PRDM6: variants seen among roughly 807,000 people sequenced by gnomAD.
The protein encoded by PRDM6 is PR/SET domain 6, also known as putative histone-lysine N-methyltransferase PRDM6.
PRDM6 carries 25 observed loss-of-function variants against 60.8 expected under a neutral mutation model. The ratio of observed to expected loss-of-function variants is 0.41; its 90% CI spans 0.30 to 0.57. PRDM6 has a LOEUF of 0.57. Among genes scored for constraint, PRDM6 ranks in the 20% least tolerant of loss-of-function variants. The pLI is 0.27. For synonymous variants in PRDM6, 407 were observed against 357.4 expected (o/e 1.14, Z -1.57); for missense variants, 839 against 821.3 (o/e 1.02, Z -0.26).
At chr5:123,112,079 A>G (rs632678) in intron 3 of PRDM6, among the ~76,000 whole-genome samples, 72,673 of 152,066 alleles carry the variant, frequency 0.48, 17,500 homozygotes, top group South Asian at 0.58. Context: ...GGCTAAGCAT[A>G]AGGAGGCAGC....
intron 3 of PRDM6, among the ~76,000 whole-genome samples, chr5:123,136,522 A>G (rs942660621): frequency 6.6e-6 from 1 of 152,220 alleles, no homozygotes; most frequent in Admixed American, 6.5e-5. Flanking sequence ...TTAGAAACTA[A>G]GTAGCCAGTA....
intron 3 of PRDM6, among the ~76,000 whole-genome samples, chr5:123,154,960 C>T (rs1488807402): frequency 6.6e-6 from 1 of 152,150 alleles, no homozygotes; most frequent in African/African-American, 2.4e-5. Context: ...CCTCATCTCC[C>T]ACTCCTCTAG....
At chr5:123,186,366 T>A (rs1292668359) in intron 7 of PRDM6, among the ~76,000 whole-genome samples, 1 of 152,228 alleles carries the variant, frequency 6.6e-6, no homozygotes, top group African/African-American at 2.4e-5. Context: ...AGTCTTTTTT[T>A]GTTGTTGTTT....
At chr5:123,107,246 G>T (rs1764216366) in intron 3 of PRDM6, among the ~76,000 whole-genome samples, 1 of 152,152 alleles carries the variant, frequency 6.6e-6, no homozygotes, top group Admixed American at 6.5e-5. Flanking sequence ...ATATTTGTTT[G>T]ATTGCAGATC....
chr5:123,143,052 A>C (rs1255578277), intron 3 of PRDM6, among the ~76,000 whole-genome samples: 2 of 151,976 alleles, frequency 1.3e-5, no homozygotes, highest in Non-Finnish European at 2.9e-5. Flanking sequence ...TAAACATCCC[A>C]AGGACTCTAA....
In PRDM6 at chr5:123,090,566, G is replaced by A; in HGVS notation, c.552G>A (p.Glu184=). The A allele has an allele frequency of 6.6e-7, 1 of 1,526,032 alleles. No homozygotes were observed. The highest frequency in any genetic ancestry group is 8.7e-7 in the Non-Finnish European group (1 of 1,143,796). The allele number at this position is 1,526,032 out of a possible 1,614,324, so 94.5% of individuals were successfully genotyped here. A position where few individuals can be genotyped will look rare whatever the true frequency, so the allele number is the denominator to read the frequency against. ...ACCTGTATGGCCAGCAGCGCATGGAGATCATCCCGCTCAACCAGCACACCA... is the reference window on the plus strand; with the variant it reads ...ACCTGTATGGCCAGCAGCGCATGGAAATCATCCCGCTCAACCAGCACACCA... ...DYYLYGQQRM[E]IIPLNQHTSD... The change falls in exon 2 of 8, where the codon GAG becomes GAA. Residue 184 remains glutamate (E), a synonymous_variant. Coordinates refer to ENST00000407847, the MANE Select transcript of PRDM6 (RefSeq NM_001136239.4).
chr5:123,156,338 G>A (rs1277646941), intron 4 of PRDM6, among the ~76,000 whole-genome samples: 1 of 152,152 alleles, frequency 6.6e-6, no homozygotes, highest in Non-Finnish European at 1.5e-5. Flanking sequence ...CCAAGCAGTC[G>A]TCTTCACACA....
intron 3 of PRDM6, among the ~76,000 whole-genome samples, chr5:123,108,872 C>T (rs1764250059): frequency 6.6e-6 from 1 of 152,004 alleles, no homozygotes; most frequent in Admixed American, 6.5e-5. Flanking sequence ...CTCTTTGATA[C>T]TGCAAAACAT....
chr5:123,122,264 G>C (rs1764598957), intron 3 of PRDM6, among the ~76,000 whole-genome samples: 1 of 149,780 alleles, frequency 6.7e-6, no homozygotes, highest in African/African-American at 2.4e-5. Context: ...TTTTATAAAT[G>C]TTCTAGTGGG....
chr5:123,118,648 G>C (rs1251174172), intron 3 of PRDM6, among the ~76,000 whole-genome samples: 1 of 152,190 alleles, frequency 6.6e-6, no homozygotes, highest in African/African-American at 2.4e-5. Flanking sequence ...TGAGCTGTCA[G>C]TCAGGGTGCA....
In PRDM6 at chr5:123,188,034, C is replaced by A. The variant is rs1478589343; in HGVS notation, c.*833C>A. The A allele has an allele frequency of 2.0e-5, 3 of 151,166 alleles. No homozygotes were observed. The allele number at this position is 151,166 out of a possible 1,614,324, so 9.4% of individuals were successfully genotyped here. On this transcript the variant is annotated 3_prime_UTR_variant, in exon 8 of 8. Coordinates refer to ENST00000407847, the MANE Select transcript of PRDM6 (RefSeq NM_001136239.4). The stretch of plus-strand genomic sequence containing the variant: ...AAAAAAAGAAAATGAAAATAAAGTT[C>A]TTTGGTTTAAGGCTGGAGATAAGGT...
At chr5:123,145,848 A>G (rs1230569961) in intron 3 of PRDM6, among the ~76,000 whole-genome samples, 1 of 152,236 alleles carries the variant, frequency 6.6e-6, no homozygotes, top group Non-Finnish European at 1.5e-5. Context: ...GGAAAACATA[A>G]TAATTTAAAG....
At position 123,099,822 on chromosome 5, in the gene PRDM6, C is replaced by G; in HGVS notation, c.761C>G (p.Thr254Ser). ...CGCGAGGTGTGCCTCTGCACCAGTACTGTGCCCGGCCTGGCCTACGGCATC... is the reference window on the plus strand; with the variant it reads ...CGCGAGGTGTGCCTCTGCACCAGTAGTGTGCCCGGCCTGGCCTACGGCATC... ...LPREVCLCTS[T>S]VPGLAYGICA... Residue 254 changes from threonine to serine, a missense_variant, in exon 3 of 8, where the codon ACT (threonine) becomes AGT (serine). By Grantham distance (58) the Thr-to-Ser change is moderately conservative. Coordinates refer to ENST00000407847, the MANE Select transcript of PRDM6 (RefSeq NM_001136239.4). The surrounding 1 kb of genome is among the most constrained non-coding windows in gnomAD (Gnocchi z 4.0). 1 of 1,550,462 alleles carries G rather than the reference C, an allele frequency of 6.4e-7. No homozygotes were observed. The highest frequency in any genetic ancestry group is 8.7e-7 in the Non-Finnish European group (1 of 1,146,840).
Position 123,091,369 on chromosome 5 carries a change from A to C in PRDM6, c.592+763A>C, listed in dbSNP as rs148218710. Reference sequence around the variant, plus strand: ...ATTCATAACCCATGTTGGTTTATGTATTTATTTTTAGAAATTAGGGTGACT... The same window carrying C: ...ATTCATAACCCATGTTGGTTTATGTCTTTATTTTTAGAAATTAGGGTGACT... On this transcript the variant is annotated intron_variant, in intron 2 of 7. Coordinates refer to ENST00000407847, the MANE Select transcript of PRDM6 (RefSeq NM_001136239.4). 3.2e-4 allele frequency among the ~76,000 whole-genome samples: 48 copies of C among 152,278 alleles called. 1 individual carries two copies. Among genetic ancestry groups the C allele is most frequent in the African/African-American group, 1.2e-3 (48 of 41,558 alleles).
At chr5:123,101,042 G>A (rs1006505187) in intron 3 of PRDM6, among the ~76,000 whole-genome samples, 10 of 152,162 alleles carry the variant, frequency 6.6e-5, no homozygotes, top group Admixed American at 1.3e-4. Flanking sequence ...TTAATGCATC[G>A]TTTCTGCAAG....
At chr5:123,154,980 C>G (rs1220133985) in intron 3 of PRDM6, among the ~76,000 whole-genome samples, 1 of 152,180 alleles carries the variant, frequency 6.6e-6, no homozygotes, top group Non-Finnish European at 1.5e-5. Context: ...GATACCATGT[C>G]TCCCTAAGTG....
At chr5:123,185,410 A>G (rs1415069263) in intron 7 of PRDM6, among the ~76,000 whole-genome samples, 3 of 152,172 alleles carry the variant, frequency 2.0e-5, no homozygotes, top group African/African-American at 7.2e-5. Context: ...TTTCTAATAA[A>G]CAATCAGCAG....
At chr5:123,096,013 A>T (rs1763949999) in intron 2 of PRDM6, among the ~76,000 whole-genome samples, 1 of 142,062 alleles carries the variant, frequency 7.0e-6, no homozygotes, top group Admixed American at 7.2e-5. Context: ...GTCTGCTCTT[A>T]ACTGCACTTG....
chr5:123,090,115 C>A lies in PRDM6; in HGVS notation c.101C>A (p.Pro34Gln), dbSNP rs998691055. 9 of 1,541,770 alleles carry A rather than the reference C, an allele frequency of 5.8e-6. No individual in the cohort carries two copies. In the Admixed American group the frequency reaches 1.6e-4, roughly 27 times the overall value. The stretch of plus-strand genomic sequence containing the variant: ...CTCTTCCCTCACGGAGGCGCAGGCC[C>A]GCTCAAGGGCAGCGGCGCCGCGGGT... ...QQLFPHGGAG[P>Q]LKGSGAAGLL... The change falls in exon 2 of 8, where the codon CCG becomes CAG. Residue 34 changes from proline (P) to glutamine (Q), a missense_variant. By Grantham distance (76) the Pro-to-Gln change is moderately conservative. Transcript: ENST00000407847.
Sources: gnomAD v4.1 joint callset for allele counts (sites outside exome capture counted in the v4.1 genomes callset) on GRCh38, gnomAD v4.1.1 for gene constraint, Gnocchi (gnomAD v3.1) non-coding constraint, MANE v1.5 for transcripts, NCBI Gene and HGNC (gene_info 2026-07-23, HGNC 2026-07-21) for gene names.